SYT14: variants seen among roughly 807,000 people sequenced by gnomAD.
SYT14 encodes the protein synaptotagmin-14.
SYT14 carries 32 observed loss-of-function variants against 74.2 expected under a neutral mutation model. That is an observed-to-expected ratio of 0.43 (90% confidence interval 0.33 to 0.58). The LOEUF (loss-of-function observed/expected upper bound fraction) is 0.58, where lower values mean the gene tolerates loss of function less well. Among genes scored for constraint, SYT14 ranks in the 20% least tolerant of loss-of-function variants. The probability of loss-of-function intolerance (pLI) is 0.05; values close to 1 mark genes in which losing one functional copy is unlikely to be tolerated. For missense variants in SYT14, 791 were observed against 981.8 expected (o/e 0.81, Z 2.60); for synonymous variants, 298 against 337.7 (o/e 0.88, Z 1.29).
intron 5 of SYT14, among the ~76,000 whole-genome samples, chr1:210,024,672 TG>T (rs2080372278): frequency 6.6e-6 from 1 of 152,164 alleles, no homozygotes; most frequent in Non-Finnish European, 1.5e-5. Context: ...AGATCGTATA[TG>T]CTTAGAGAAT....
At chr1:210,117,475 G>C (rs2082383142) in intron 7 of SYT14, among the ~76,000 whole-genome samples, 1 of 152,038 alleles carries the variant, frequency 6.6e-6, no homozygotes, top group Admixed American at 6.6e-5. Flanking sequence ...AATACTTCAT[G>C]ATAAACTAAT....
chr1:209,985,914 C>T (rs2079562202), intron 2 of SYT14, among the ~76,000 whole-genome samples: 1 of 152,174 alleles, frequency 6.6e-6, no homozygotes, highest in African/African-American at 2.4e-5. Flanking sequence ...GGCCGGGATA[C>T]AGGAGCAATT....
At chr1:210,146,111 G>C (rs1431321769) in intron 7 of SYT14, among the ~76,000 whole-genome samples, 1 of 152,176 alleles carries the variant, frequency 6.6e-6, no homozygotes, top group Non-Finnish European at 1.5e-5. Context: ...GCTGAGGTGG[G>C]CAGGTCACCT....
chr1:210,037,498 C>G (rs565985605), intron 5 of SYT14, among the ~76,000 whole-genome samples: 1 of 147,202 alleles, frequency 6.8e-6, no homozygotes, highest in Non-Finnish European at 1.5e-5. Flanking sequence ...CCTTAAAGTG[C>G]AACATTAGGT....
rs566022628 is a variant in SYT14, at chr1:210,097,872, T to A, written c.1585-2140T>A. On this transcript the variant is annotated intron_variant, in intron 6 of 9. Transcript: ENST00000637265. ...TGCATACATTATACCAACTAGCATATAAGATTTATAAGATCAAGGACTAAC... is the reference window on the plus strand; with the variant it reads ...TGCATACATTATACCAACTAGCATAAAAGATTTATAAGATCAAGGACTAAC... 3.3e-5 allele frequency among the ~76,000 whole-genome samples: 5 copies of A among 152,256 alleles called. No homozygotes were observed. The South Asian group carries it at 1.0e-3, about 32-fold the overall frequency.
At chr1:210,077,980 G>T (rs1258605712) in intron 5 of SYT14, among the ~76,000 whole-genome samples, 2 of 152,120 alleles carry the variant, frequency 1.3e-5, no homozygotes. Context: ...TGTTGATGTT[G>T]GAAACAACAT....
chr1:210,089,447 A>C (rs1052203077), intron 5 of SYT14, among the ~76,000 whole-genome samples: 16 of 152,148 alleles, frequency 1.1e-4, no homozygotes, highest in African/African-American at 3.6e-4. Context: ...TCCTTGAGGG[A>C]TCGCCACACT....
chr1:209,978,333 G>T (rs1040510482), intron 2 of SYT14, among the ~76,000 whole-genome samples: 3 of 152,032 alleles, frequency 2.0e-5, no homozygotes, highest in Admixed American at 6.6e-5. Flanking sequence ...CATCTTTGTG[G>T]TTTTATCTAC....
Position 210,059,427 on chromosome 1 carries a change from A to AATATATATATATAT in SYT14, c.1313-34883_1313-34870dup, listed in dbSNP as rs374307953. ...CTGTATATGCATGATGACAAGAAAGAATATATATATATATATATATATATA... is the reference window on the plus strand; with the variant it reads ...CTGTATATGCATGATGACAAGAAAGAATATATATATATATATATATATATATATATATATATATA... On this transcript the variant is annotated intron_variant, in intron 5 of 9. Transcript: ENST00000637265. Among the ~76,000 whole-genome samples the AATATATATATATAT allele has an allele frequency of 1.7e-3, 139 of 79,966 alleles. 2 individuals are homozygous for AATATATATATATAT. The highest frequency in any genetic ancestry group is 2.1e-3 in the Non-Finnish European group (101 of 47,510). The allele number at this position is 79,966 out of a possible 152,430, so 52.5% of individuals were successfully genotyped here.
intron 2 of SYT14, among the ~76,000 whole-genome samples, chr1:210,003,630 G>A (rs1373724905): frequency 6.6e-6 from 1 of 151,928 alleles, no homozygotes; most frequent in Non-Finnish European, 1.5e-5. Flanking sequence ...CAAGTTTTTG[G>A]TCTTCTAAAA....
At chr1:210,147,073 G>A (rs1441975930) in intron 7 of SYT14, among the ~76,000 whole-genome samples, 1 of 151,984 alleles carries the variant, frequency 6.6e-6, no homozygotes, top group Non-Finnish European at 1.5e-5. Context: ...AGAGAAAGAT[G>A]TGTTGGCAGC....
chr1:210,100,633 C>T (rs1196680155), intron 7 of SYT14, among the ~76,000 whole-genome samples, 172 bp downstream of exon 6: 2 of 152,080 alleles, frequency 1.3e-5, no homozygotes. Context: ...CTTTTTCTTA[C>T]CTAAAAAAGT....
chr1:209,949,274 G>A (rs2078872421), intron 1 of SYT14, among the ~76,000 whole-genome samples: 1 of 152,086 alleles, frequency 6.6e-6, no homozygotes, highest in Admixed American at 6.5e-5. Context: ...AGGAAGGATT[G>A]GGGATAAAAG....
At chr1:210,084,992 T>C (rs1375121586) in intron 5 of SYT14, among the ~76,000 whole-genome samples, 1 of 152,228 alleles carries the variant, frequency 6.6e-6, no homozygotes, top group African/African-American at 2.4e-5. Flanking sequence ...CTGTTGGTTT[T>C]CAGCTGTCCT....
chr1:209,977,654 C>T (rs184051785), intron 2 of SYT14, among the ~76,000 whole-genome samples: 1 of 152,230 alleles, frequency 6.6e-6, no homozygotes, highest in East Asian at 1.9e-4. Context: ...TCCTTAATTG[C>T]AACTTTGATG....
At chr1:209,950,086 G>T (rs1388145287) in intron 1 of SYT14, among the ~76,000 whole-genome samples, 3 of 152,086 alleles carry the variant, frequency 2.0e-5, no homozygotes, top group African/African-American at 7.2e-5. Context: ...TTACAGTTAA[G>T]ATTAGGTGTA....
exon 10 of SYT14, chr1:210,164,755 C>T (rs1283715815): frequency 6.6e-6 from 1 of 152,004 alleles, no homozygotes; most frequent in Non-Finnish European, 1.5e-5. Flanking sequence ...TTCACAAAGA[C>T]AGTTATTATA....
intron 2 of SYT14, among the ~76,000 whole-genome samples, chr1:209,965,458 T>G (rs1330492283): frequency 6.6e-6 from 1 of 152,200 alleles, no homozygotes; most frequent in Admixed American, 6.5e-5. Context: ...TCCAGTCAAT[T>G]GTTGATGGGC....
At chr1:210,165,708 C>G (rs1049910182) in exon 10 of SYT14, 2 of 152,174 alleles carry the variant, frequency 1.3e-5, no homozygotes, top group African/African-American at 4.8e-5. Flanking sequence ...ACATATGTCT[C>G]TCTTCCCCCT....
Sources: allele counts gnomAD v4.1 joint callset (sites outside exome capture counted in the v4.1 genomes callset), GRCh38; gene constraint gnomAD v4.1.1; transcripts MANE v1.5; gene names NCBI Gene and HGNC (gene_info 2026-07-23, HGNC 2026-07-21).